Variants in FYTTD1 observed in about 807,000 individuals in gnomAD.
FYTTD1 encodes the protein UAP56-interacting factor.
Under a neutral mutation model 40.9 loss-of-function variants are expected in FYTTD1, and 22 were observed. The observed-to-expected ratio is 0.54, with a 90% CI of 0.38 to 0.77. FYTTD1 has a LOEUF of 0.77. FYTTD1 is among the 30% of genes least tolerant of loss of function. FYTTD1 has a pLI of 0.00. For synonymous variants in FYTTD1, 140 were observed against 137.9 expected, an observed-to-expected ratio of 1.01 and a Z score of -0.10; for missense variants, 351 against 392.2, an observed-to-expected ratio of 0.90 and a Z score of 0.89.
chr3:197,767,819 A>G (rs979538703), intron 2 of FYTTD1, among the ~76,000 whole-genome samples: 1 of 152,244 alleles, frequency 6.6e-6, no homozygotes, highest in African/African-American at 2.4e-5. Context: ...CACATGCCAC[A>G]GATTAAAATG....
At chr3:197,749,573 A>G (rs764791998), upstream of FYTTD1, 67 of 1,286,428 alleles carry the variant, frequency 5.2e-5, no homozygotes, top group Non-Finnish European at 6.3e-5. Flanking sequence ...TGTGTACCGA[A>G]GTATAGGGGA....
intron 6 of FYTTD1, among the ~76,000 whole-genome samples, chr3:197,775,827 A>AT (rs890218574): frequency 1.3e-5 from 2 of 152,238 alleles, no homozygotes; most frequent in South Asian, 2.1e-4. Context: ...AGTGAACAAT[A>AT]TTTACATAAT....
At chr3:197,771,303 T>C (rs1480337942) in intron 4 of FYTTD1, among the ~76,000 whole-genome samples, 1 of 152,196 alleles carries the variant, frequency 6.6e-6, no homozygotes, top group Non-Finnish European at 1.5e-5. Context: ...CAGTTTCAAG[T>C]ATTATTTATT....
chr3:197,755,479 T>C (rs1362258270), intron 1 of FYTTD1, among the ~76,000 whole-genome samples: 1 of 151,700 alleles, frequency 6.6e-6, no homozygotes, highest in African/African-American at 2.4e-5. Flanking sequence ...GGAGTCTCGC[T>C]CTGTCACCCA....
intron 2 of FYTTD1, among the ~76,000 whole-genome samples, chr3:197,763,139 C>T (rs1206615724): frequency 6.6e-6 from 1 of 152,002 alleles, no homozygotes; most frequent in Non-Finnish European, 1.5e-5. Flanking sequence ...TTTGGCCGGG[C>T]GTGGTGGCTC....
At chr3:197,778,563 C>A in intron 8 of FYTTD1, 99 bp downstream of exon 8, 1 of 792,502 alleles carries the variant, frequency 1.3e-6, no homozygotes, top group Non-Finnish European at 2.0e-6. Flanking sequence ...GGTATCCTAA[C>A]TGCCCCCTGA....
chr3:197,755,611 A>AATTAATTTATTT (rs747486444), intron 1 of FYTTD1: 2 of 200,406 alleles, frequency 1.0e-5, no homozygotes, highest in Admixed American at 6.3e-5. Flanking sequence ...ATACCCGGCT[A>AATTAATTTATTT]ATTTATTTAT....
chr3:197,762,611 G>A (rs902620308), intron 2 of FYTTD1, among the ~76,000 whole-genome samples: 19 of 150,580 alleles, frequency 1.3e-4, no homozygotes, highest in African/African-American at 2.7e-4. Context: ...GGCCGGGCGC[G>A]GTGGCTCATG....
intron 3 of FYTTD1, 119 bp from the exon 4 acceptor site, chr3:197,770,013 C>T (rs141710737): frequency 1.2e-5 from 8 of 644,236 alleles, no homozygotes; most frequent in Admixed American, 2.9e-5. Context: ...TCTCCGTCTC[C>T]CTTATCTGCA....
chr3:197,760,810 G>A (rs1729361246), intron 2 of FYTTD1, among the ~76,000 whole-genome samples: 1 of 152,004 alleles, frequency 6.6e-6, no homozygotes, highest in African/African-American at 2.4e-5. Context: ...AGAATGTATA[G>A]ATTTGTTCCT....
intron 2 of FYTTD1, among the ~76,000 whole-genome samples, chr3:197,759,671 G>GT (rs1729314525): frequency 1.3e-5 from 2 of 151,472 alleles, no homozygotes; most frequent in Admixed American, 1.3e-4. Context: ...GTGGTAGAAC[G>GT]TATAGAGTTG....
chr3:197,785,975 C>T lies in FYTTD1; in HGVS notation c.*4066C>T, dbSNP rs1407937697. 6.6e-6 allele frequency: 1 copy of T among 150,794 alleles called. No individual in the cohort carries two copies. The highest frequency in any genetic ancestry group is 1.5e-5 in the Non-Finnish European group (1 of 67,838). 9.3% of individuals were successfully genotyped at this position (150,794 alleles called of 1,614,324 possible). ...TTAAATGATACTTCAGTAAACACAGCATTTACAACAAGAATTGTGGACTAT... is the reference window on the plus strand; with the variant it reads ...TTAAATGATACTTCAGTAAACACAGTATTTACAACAAGAATTGTGGACTAT... On this transcript the variant is annotated 3_prime_UTR_variant, in exon 9 of 9. Coordinates refer to ENST00000241502, the MANE Select transcript of FYTTD1 (RefSeq NM_032288.7).
At chr3:197,772,797 C>T (rs775513154) in intron 4 of FYTTD1, among the ~76,000 whole-genome samples, 15 of 151,990 alleles carry the variant, frequency 9.9e-5, no homozygotes, top group Admixed American at 3.3e-4. Context: ...TTAGTAGAGA[C>T]GGGGTTTTAC....
intron 4 of FYTTD1, 104 bp downstream of exon 4, chr3:197,770,348 A>G: frequency 1.4e-6 from 1 of 706,298 alleles, no homozygotes; most frequent in South Asian, 1.8e-5. Context: ...TTATCTGGTC[A>G]TTTTCAAGAC....
intron 3 of FYTTD1, among the ~76,000 whole-genome samples, chr3:197,769,235 G>A (rs1379103908): frequency 6.6e-6 from 1 of 151,664 alleles, no homozygotes; most frequent in Non-Finnish European, 1.5e-5. Flanking sequence ...CTACAGGTGC[G>A]TGCCACCATG....
chr3:197,766,430 G>GGTGT (rs111725145), intron 2 of FYTTD1, among the ~76,000 whole-genome samples: 3,795 of 135,034 alleles, frequency 0.028, 153 homozygotes, highest in African/African-American at 0.095. Flanking sequence ...GTTTGAGACT[G>GGTGT]GTGTGTGTGT....
Position 197,750,392 on chromosome 3 carries a change from GGCTCGCC to G in FYTTD1, c.103+327_103+333del, listed in dbSNP as rs973040457. On this transcript the variant is annotated intron_variant, in intron 1 of 8. Transcript: ENST00000241502. ...CGTCTCTTCTCCCCGGAGGGGCTAC[GGCTCGCC>G]GCTCGCCGGCTCTTTGTGAGGAAAG... is the stretch of plus-strand genomic sequence containing the variant. 5 of 1,079,184 alleles carry G rather than the reference GGCTCGCC, an allele frequency of 4.6e-6. No homozygotes were observed. The African/African-American group carries it at 8.3e-5, about 18-fold the overall frequency. The allele number at this position is 1,079,184 out of a possible 1,614,324, so 66.9% of individuals were successfully genotyped here.
At chr3:197,750,130 G>A in intron 1 of FYTTD1, 56 bp downstream of exon 1, 1 of 1,361,684 alleles carries the variant, frequency 7.3e-7, no homozygotes, top group Non-Finnish European at 1.0e-6. Flanking sequence ...GGTGGAAGCC[G>A]GCGGCGCGGT....
At chr3:197,768,674 AT>A in intron 3 of FYTTD1, 87 bp downstream of exon 3, 1 of 1,135,928 alleles carries the variant, frequency 8.8e-7, no homozygotes, top group Non-Finnish European at 1.2e-6. Flanking sequence ...AGAGAATTTT[AT>A]TTGTTTTTAT....
Sources: gnomAD v4.1 joint callset for allele counts (sites outside exome capture counted in the v4.1 genomes callset) on GRCh38, gnomAD v4.1.1 for gene constraint, MANE v1.5 for transcripts, NCBI Gene and HGNC (gene_info 2026-07-23, HGNC 2026-07-21) for gene names.